The following MYO18B variants were observed in gnomAD, a reference collection of about 807,000 sequenced individuals.
The protein encoded by MYO18B is unconventional myosin-XVIIIb.
Under a neutral mutation model 273.0 loss-of-function variants are expected in MYO18B, and 204 were observed. The ratio of observed to expected loss-of-function variants is 0.75; its 90% CI spans 0.67 to 0.84. The LOEUF (loss-of-function observed/expected upper bound fraction) is 0.84. MYO18B is among the 40% of genes least tolerant of loss of function. The pLI is 0.00. For missense variants in MYO18B, 3,212 were observed against 3,287.6 expected, an observed-to-expected ratio of 0.98 and a Z score of 0.56; for synonymous variants, 1,330 against 1,305.7, an observed-to-expected ratio of 1.02 and a Z score of -0.40.
intron 12 of MYO18B, among the ~76,000 whole-genome samples, chr22:25,821,408 A>G (rs2089276533): frequency 1.3e-5 from 2 of 151,494 alleles, no homozygotes; most frequent in Admixed American, 1.3e-4. Context: ...TTCCCTGATG[A>G]TTAGAGATGT....
At chr22:25,992,718 C>T (rs910703488) in intron 40 of MYO18B, among the ~76,000 whole-genome samples, 3 of 152,172 alleles carry the variant, frequency 2.0e-5, no homozygotes, top group African/African-American at 7.2e-5. Context: ...CTTACCAAGC[C>T]TTTGGTGAGG....
intron 11 of MYO18B, among the ~76,000 whole-genome samples, chr22:25,787,712 C>T (rs997371613): frequency 1.3e-5 from 2 of 152,114 alleles, no homozygotes; most frequent in Non-Finnish European, 2.9e-5. Context: ...TGCAACGAGG[C>T]TGGCATTCTT....
At chr22:25,886,004 C>T (rs377039472) in intron 25 of MYO18B, among the ~76,000 whole-genome samples, 2 of 152,210 alleles carry the variant, frequency 1.3e-5, no homozygotes, top group Non-Finnish European at 2.9e-5. Flanking sequence ...TCAGTCAACC[C>T]GTATTCATTG....
At chr22:25,881,025 T>C (rs1486575863) in intron 25 of MYO18B, among the ~76,000 whole-genome samples, 1 of 151,680 alleles carries the variant, frequency 6.6e-6, no homozygotes, top group African/African-American at 2.4e-5. Context: ...TTGCTTATAA[T>C]GTTGTTTGGC....
chr22:25,863,730 AT>A (rs1379574082), intron 21 of MYO18B, among the ~76,000 whole-genome samples: 5 of 152,184 alleles, frequency 3.3e-5, no homozygotes, highest in Non-Finnish European at 7.3e-5. Flanking sequence ...GTTCCCAGTT[AT>A]GCTTCAACCT....
chr22:25,886,800 G>C (rs746758309), intron 25 of MYO18B, among the ~76,000 whole-genome samples: 2 of 152,158 alleles, frequency 1.3e-5, no homozygotes, highest in Non-Finnish European at 2.9e-5. Flanking sequence ...GAATCAGGCA[G>C]CCCAAGCTGG....
At chr22:25,919,484 C>G (rs900882674) in intron 33 of MYO18B, among the ~76,000 whole-genome samples, 1 of 152,088 alleles carries the variant, frequency 6.6e-6, no homozygotes, top group African/African-American at 2.4e-5. Context: ...GCATCAATAG[C>G]TATAAAGTGT....
chr22:25,867,278 C>T (rs2090915713), intron 21 of MYO18B, among the ~76,000 whole-genome samples: 1 of 152,188 alleles, frequency 6.6e-6, no homozygotes, highest in Non-Finnish European at 1.5e-5. Context: ...AAACAATAAG[C>T]CTTCATTTCC....
the MYO18B span, among the ~76,000 whole-genome samples, chr22:26,043,160 A>G: frequency 1.3e-5 from 2 of 152,182 alleles, no homozygotes; most frequent in African/African-American, 4.8e-5. Flanking sequence ...TGCAAAATAT[A>G]CTTTTTTTGG....
intron 15 of MYO18B, among the ~76,000 whole-genome samples, chr22:25,831,838 C>T (rs1221912474): frequency 6.6e-6 from 1 of 152,208 alleles, no homozygotes; most frequent in South Asian, 2.1e-4. Context: ...AGCATGACGG[C>T]TGACACGCTG....
intron 1 of MYO18B, among the ~76,000 whole-genome samples, chr22:25,754,448 G>T (rs1036374818): frequency 6.6e-6 from 1 of 152,120 alleles, no homozygotes; most frequent in Non-Finnish European, 1.5e-5. Flanking sequence ...TGGACATTGT[G>T]GGGTAGTGGG....
intron 4 of MYO18B, 23 bp from the exon 5 acceptor site, chr22:25,770,087 A>G: frequency 1.9e-6 from 3 of 1,613,526 alleles, no homozygotes; most frequent in Non-Finnish European, 2.5e-6. Context: ...TGCTGGTTTA[A>G]TTTACGTGAT....
chr22:25,941,994 G>A (rs972257359), intron 34 of MYO18B, among the ~76,000 whole-genome samples: 3 of 152,212 alleles, frequency 2.0e-5, no homozygotes, highest in African/African-American at 7.2e-5. Flanking sequence ...CCACTTCCCA[G>A]GGATGAAAGG....
In MYO18B at chr22:25,781,558, C is replaced by G. The variant is rs566997837; in HGVS notation, c.2212-176C>G. On this transcript the variant is annotated intron_variant, in intron 9 of 43. Transcript: ENST00000335473. ...CTGGGAGGCGGAGCTTGCAGTGAGC[C>G]GAGATCACGCCACCGCACTCCAGCC... 1.5e-4 allele frequency among the ~76,000 whole-genome samples: 21 copies of G among 142,756 alleles called. No individual in the cohort carries two copies. In the East Asian group the frequency reaches 3.9e-3, roughly 27 times the overall value. 93.7% of individuals were successfully genotyped at this position (142,756 alleles called of 152,430 possible). A position where few individuals can be genotyped will look rare whatever the true frequency, so the allele number is the denominator to read the frequency against.
At chr22:25,892,173 A>C (rs190766592) in intron 27 of MYO18B, 30 of 152,330 alleles carry the variant, frequency 2.0e-4, no homozygotes, top group Admixed American at 1.5e-3. Flanking sequence ...ATTGATAGAA[A>C]ATGTTTAGCC....
intron 33 of MYO18B, 28 bp from the exon 34 acceptor site, chr22:25,921,229 A>G: frequency 6.5e-7 from 1 of 1,536,908 alleles, no homozygotes; most frequent in Non-Finnish European, 8.8e-7. Flanking sequence ...TTGCCACCTA[A>G]GCTCATGGGT....
chr22:25,874,399 A>G lies in MYO18B; in HGVS notation c.4065A>G (p.Glu1355=), dbSNP rs1176379823. Residue 1355 remains glutamate (E), a synonymous_variant, in exon 23 of 44, where the codon GAA becomes GAG. Transcript: ENST00000335473. ...AACKGFLSRQ[E]FKKLKIRRLA... The stretch of plus-strand genomic sequence containing the variant: ...GCAAGGGCTTTCTGTCTCGCCAGGA[A>G]TTCAAGAAGCTGAAGGTACTGCATG... The G allele has an allele frequency of 1.2e-6, 2 of 1,613,810 alleles. No individual in the cohort carries two copies. The highest frequency in any genetic ancestry group is 2.2e-5 in the East Asian group (1 of 44,874).
intron 39 of MYO18B, among the ~76,000 whole-genome samples, chr22:25,992,111 C>T (rs980315344): frequency 1.3e-5 from 2 of 152,204 alleles, no homozygotes; most frequent in Non-Finnish European, 2.9e-5. Flanking sequence ...GGGAGCAGCA[C>T]CCCCTGCACA....
At position 25,768,507 on chromosome 22, in the gene MYO18B, G is replaced by A; in HGVS notation, c.591G>A (p.Arg197=). ...TGKEKKGETS[R]TPCGSQASTE... ...AGGAAAAGAAAGGGGAGACCTCTAG[G>A]ACTCCTTGTGGCTCCCAGGCCAGCA... is the stretch of plus-strand genomic sequence containing the variant. The change falls in exon 4 of 44, where the codon AGG becomes AGA. Residue 197 remains arginine, a synonymous_variant. Transcript: ENST00000335473. The A allele has an allele frequency of 6.3e-7, 1 of 1,592,718 alleles. No homozygotes were observed. Among genetic ancestry groups the A allele is most frequent in the Non-Finnish European group, 8.5e-7 (1 of 1,169,978 alleles).
Sources: gnomAD v4.1 joint callset for allele counts (sites outside exome capture counted in the v4.1 genomes callset) on GRCh38, gnomAD v4.1.1 for gene constraint, MANE v1.5 for transcripts, NCBI Gene and HGNC (gene_info 2026-07-23, HGNC 2026-07-21) for gene names.